The following WWOX variants were observed in gnomAD, a reference collection of about 807,000 sequenced individuals.
WWOX encodes WW domain-containing oxidoreductase.
A neutral mutation model predicts 46.2 loss-of-function variants in WWOX; 69 were observed. The ratio of observed to expected loss-of-function variants is 1.49; its 90% CI spans 1.23 to 1.82. WWOX has a LOEUF of 1.82. WWOX is among the 40% of genes most tolerant of loss of function. WWOX has a pLI of 0.00. For synonymous variants in WWOX, 359 were observed against 202.6 expected (o/e 1.77, Z -6.56); for missense variants, 919 against 542.6 (o/e 1.69, Z -6.89).
chr16:78,152,521 A>T (rs376128756), intron 4 of WWOX, among the ~76,000 whole-genome samples: 3 of 152,126 alleles, frequency 2.0e-5, no homozygotes, highest in African/African-American at 7.2e-5. Flanking sequence ...TCATTAATCT[A>T]TGAAGTTGCC....
chr16:78,594,764 T>C (rs1320160655), intron 8 of WWOX, among the ~76,000 whole-genome samples: 1 of 152,122 alleles, frequency 6.6e-6, no homozygotes, highest in Non-Finnish European at 1.5e-5. Flanking sequence ...TAAGTTTTTA[T>C]TTATTTTATT....
intron 1 of WWOX, among the ~76,000 whole-genome samples, chr16:78,102,913 T>A (rs997030266): frequency 2.0e-5 from 3 of 151,984 alleles, no homozygotes; most frequent in Admixed American, 1.3e-4. Flanking sequence ...GGCCCCAGAG[T>A]ACAAAGATGC....
chr16:79,066,590 T>C (rs1428938985), intron 8 of WWOX, among the ~76,000 whole-genome samples: 1 of 152,280 alleles, frequency 6.6e-6, no homozygotes, highest in Non-Finnish European at 1.5e-5. Flanking sequence ...TTCTGAAAGC[T>C]CACCTCTTTA....
intron 8 of WWOX, among the ~76,000 whole-genome samples, chr16:78,561,811 T>G (rs1202403804): frequency 1.3e-5 from 2 of 152,180 alleles, no homozygotes; most frequent in Non-Finnish European, 1.5e-5. Flanking sequence ...AACGCAGGGT[T>G]CCTTCTATGG....
intron 8 of WWOX, among the ~76,000 whole-genome samples, chr16:78,958,497 T>G (rs1202593501): frequency 2.0e-5 from 3 of 152,234 alleles, no homozygotes; most frequent in Non-Finnish European, 2.9e-5. Flanking sequence ...AAAAACACAC[T>G]TTACTACAAT....
intron 8 of WWOX, among the ~76,000 whole-genome samples, chr16:78,776,311 G>A (rs988188430): frequency 2.6e-5 from 4 of 152,170 alleles, no homozygotes; most frequent in African/African-American, 9.7e-5. Flanking sequence ...AGTAAGCACA[G>A]TGGCTGGGAT....
At chr16:78,898,885 C>T (rs575869586) in intron 8 of WWOX, 2 of 152,098 alleles carry the variant, frequency 1.3e-5, no homozygotes, top group African/African-American at 4.8e-5. Context: ...TTGTAAATGG[C>T]ATTATAAAAT....
At chr16:78,959,172 A>C (rs76961065) in intron 8 of WWOX, among the ~76,000 whole-genome samples, 5,191 of 152,352 alleles carry the variant, frequency 0.034, 99 homozygotes, top group Middle Eastern at 0.068. Flanking sequence ...TAAAATATCA[A>C]TGGGCCATCT....
intron 4 of WWOX, among the ~76,000 whole-genome samples, chr16:78,130,854 C>A (rs186257662): frequency 4.3e-4 from 65 of 152,366 alleles, no homozygotes; most frequent in Non-Finnish European, 7.3e-4. Context: ...GTCAGCTTCA[C>A]TGAATGACAG....
intron 8 of WWOX, among the ~76,000 whole-genome samples, chr16:79,052,391 A>G (rs892543344): frequency 4.6e-5 from 7 of 152,218 alleles, no homozygotes; most frequent in African/African-American, 1.7e-4. Flanking sequence ...ATGGCTGCAT[A>G]GTATTCCATG....
At chr16:78,360,346 G>T (rs1183594540) in intron 5 of WWOX, among the ~76,000 whole-genome samples, 1 of 152,136 alleles carries the variant, frequency 6.6e-6, no homozygotes, top group Non-Finnish European at 1.5e-5. Flanking sequence ...AGCACTTTGG[G>T]AGGCCGAAGC....
intron 8 of WWOX, among the ~76,000 whole-genome samples, chr16:78,893,379 TC>T (rs2044632918): frequency 6.6e-6 from 1 of 152,084 alleles, no homozygotes; most frequent in Admixed American, 6.6e-5. Flanking sequence ...CATACCAGGC[TC>T]CCCCATTCAG....
chr16:79,106,178 A>T (rs2150643721), intron 8 of WWOX, among the ~76,000 whole-genome samples: 1 of 152,294 alleles, frequency 6.6e-6, no homozygotes, highest in African/African-American at 2.4e-5. Flanking sequence ...AGCCGTCTAT[A>T]TTTCAGCAAG....
At chr16:78,313,611 C>T (rs1339931442) in intron 5 of WWOX, among the ~76,000 whole-genome samples, 1 of 152,214 alleles carries the variant, frequency 6.6e-6, no homozygotes, top group East Asian at 1.9e-4. Context: ...GGTGATCTGC[C>T]TGCCTTGGCC....
intron 8 of WWOX, among the ~76,000 whole-genome samples, chr16:78,920,623 T>C (rs1510216): frequency 0.91 from 138,413 of 152,116 alleles, 64,016 homozygotes; most frequent in Non-Finnish European, 0.99. Flanking sequence ...GCAAAGAACA[T>C]CCAGGTCAGG....
chr16:78,442,542 T>C (rs531071924), intron 8 of WWOX, among the ~76,000 whole-genome samples: 1 of 152,240 alleles, frequency 6.6e-6, no homozygotes, highest in African/African-American at 2.4e-5. Context: ...AGTGAGATCA[T>C]AGAGTATTTG....
chr16:79,153,099 C>A (rs563477353), intron 8 of WWOX, among the ~76,000 whole-genome samples: 2 of 152,282 alleles, frequency 1.3e-5, no homozygotes, highest in Admixed American at 1.3e-4. Flanking sequence ...TCCAAACTCA[C>A]TTGAGTACAC....
intron 6 of WWOX, 87 bp downstream of exon 6, chr16:78,387,035 G>A (rs766550836): frequency 1.7e-5 from 24 of 1,375,192 alleles, no homozygotes; most frequent in Non-Finnish European, 2.4e-5. Flanking sequence ...AGAATGCAAG[G>A]CTGTTGTGTT....
chr16:78,811,401 G>C (rs2142706999), intron 8 of WWOX, among the ~76,000 whole-genome samples: 1 of 152,164 alleles, frequency 6.6e-6, no homozygotes, highest in African/African-American at 2.4e-5. Flanking sequence ...TACATTTACT[G>C]TATCTATTAA....
Sources: gnomAD v4.1 joint callset for allele counts (sites outside exome capture counted in the v4.1 genomes callset) on GRCh38, gnomAD v4.1.1 for gene constraint, MANE v1.5 for transcripts, NCBI Gene and HGNC (gene_info 2026-07-23, HGNC 2026-07-21) for gene names.